Variants in PREX2 observed in about 807,000 individuals in gnomAD.
PREX2 encodes phosphatidylinositol-3,4,5-trisphosphate dependent Rac exchange factor 2, also known as phosphatidylinositol 3,4,5-trisphosphate-dependent Rac exchanger 2 protein.
Under a neutral mutation model 203.2 loss-of-function variants are expected in PREX2, and 107 were observed. The observed-to-expected ratio is 0.53, with a 90% CI of 0.45 to 0.62. The LOEUF (loss-of-function observed/expected upper bound fraction) is 0.62. PREX2 is among the 20% of genes least tolerant of loss of function. The probability of loss-of-function intolerance (pLI) is 0.00; values close to 1 mark genes in which losing one functional copy is unlikely to be tolerated. For missense variants in PREX2, 1,777 were observed against 1,955.9 expected, an observed-to-expected ratio of 0.91 and a Z score of 1.72; for synonymous variants, 672 against 663.6, an observed-to-expected ratio of 1.01 and a Z score of -0.19.
intron 8 of PREX2, among the ~76,000 whole-genome samples, chr8:68,049,183 T>C (rs1377802788): frequency 1.4e-4 from 21 of 151,304 alleles, no homozygotes; most frequent in African/African-American, 4.4e-4. Context: ...AAATTTTTCT[T>C]CTATTATTTG....
In PREX2 at chr8:67,999,478, CAA is replaced by C. The variant is rs58916146; in HGVS notation, c.142-18352_142-18351del. On this transcript the variant is annotated intron_variant, in intron 1 of 39. Coordinates refer to ENST00000288368, the MANE Select transcript of PREX2 (RefSeq NM_024870.4). ...AATCAGTAATAAATAGCCAACAAAC[CAA>C]AAAAAAAAAAAAAAAGCCCAGAACC... 1.2e-4 allele frequency among the ~76,000 whole-genome samples: 11 copies of C among 92,090 alleles called. 1 individual carries two copies. Among genetic ancestry groups the C allele is most frequent in the African/African-American group, 2.0e-4 (5 of 24,596 alleles). The allele number at this position is 92,090 out of a possible 152,430, so 60.4% of individuals were successfully genotyped here.
At chr8:68,091,259 T>C (rs1371906114) in intron 20 of PREX2, among the ~76,000 whole-genome samples, 1 of 152,202 alleles carries the variant, frequency 6.6e-6, no homozygotes, top group African/African-American at 2.4e-5. Flanking sequence ...AATACCAAAA[T>C]GTACTCGGCG....
Position 68,097,164 on chromosome 8 carries a change from T to C in PREX2, c.2516T>C (p.Met839Thr). ...ATCAAGTGCAATGTGGTGGAAAAGA[T>C]GATTGAGCCCAAAGGTTTCTTCAGC... Reference protein sequence around the residue: ...AGIKCNVVEKMIEPKGFFSLT... With the variant: ...AGIKCNVVEKTIEPKGFFSLT... The change falls in exon 22 of 40, where the codon ATG becomes ACG. Residue 839 changes from methionine to threonine, a missense_variant. Physicochemically the swap from Met to Thr is moderately conservative, Grantham distance 81. Transcript: ENST00000288368. 6.2e-7 allele frequency: 1 copy of C among 1,613,844 alleles called. No homozygotes were observed. Among genetic ancestry groups the C allele is most frequent in the Non-Finnish European group, 8.5e-7 (1 of 1,179,846 alleles).
chr8:68,202,813 G>T (rs12543668), intron 37 of PREX2, among the ~76,000 whole-genome samples: 16,925 of 152,162 alleles, frequency 0.11, 1,507 homozygotes, highest in South Asian at 0.34. Flanking sequence ...AGAAGTCCCA[G>T]GTAGGGTGTC....
chr8:68,093,419 AGAGT>A (rs1328728141), intron 20 of PREX2, among the ~76,000 whole-genome samples, 182 bp from the exon 21 acceptor site: 6 of 151,486 alleles, frequency 4.0e-5, no homozygotes, highest in African/African-American at 1.2e-4. Flanking sequence ...AAAGAAAGAA[AGAGT>A]GTTTGTTAAA....
At chr8:68,078,870 A>G (rs991199261) in intron 15 of PREX2, among the ~76,000 whole-genome samples, 8 of 152,218 alleles carry the variant, frequency 5.3e-5, no homozygotes, top group African/African-American at 1.9e-4. Flanking sequence ...TTTTCATACC[A>G]AAGTCTGACA....
intron 22 of PREX2, among the ~76,000 whole-genome samples, chr8:68,098,792 A>G (rs1466940530): frequency 6.6e-6 from 1 of 151,916 alleles, no homozygotes; most frequent in Non-Finnish European, 1.5e-5. Flanking sequence ...CATAGTCTGC[A>G]TAAAAGGGAA....
At chr8:68,070,941 A>C (rs916144035) in intron 13 of PREX2, among the ~76,000 whole-genome samples, 5 of 152,154 alleles carry the variant, frequency 3.3e-5, no homozygotes, top group African/African-American at 1.2e-4. Flanking sequence ...GAAAAAGAAT[A>C]AATATTTGTT....
At position 68,236,162 on chromosome 8, in the gene PREX2, T is replaced by G. The variant is rs2129615790; in HGVS notation, c.*4784T>G. On this transcript the variant is annotated 3_prime_UTR_variant, in exon 40 of 40. Transcript: ENST00000288368. ...CAACCATGTGTAAATGTACCTGGTC[T>G]TTTGATCACTGACACTACTTTGCTG... 1 of 151,286 alleles carries G rather than the reference T, an allele frequency of 6.6e-6. No homozygotes were observed. The highest frequency in any genetic ancestry group is 2.1e-4 in the South Asian group (1 of 4,790). The allele number at this position is 151,286 out of a possible 1,614,324, so 9.4% of individuals were successfully genotyped here. A position where few individuals can be genotyped will look rare whatever the true frequency, so the allele number is the denominator to read the frequency against.
chr8:68,029,102 T>G (rs1397790897), intron 5 of PREX2, among the ~76,000 whole-genome samples: 1 of 152,056 alleles, frequency 6.6e-6, no homozygotes, highest in African/African-American at 2.4e-5. Context: ...TTAGGGTGGT[T>G]TTGTTTATTC....
chr8:68,029,809 T>G (rs1183632935), intron 5 of PREX2, among the ~76,000 whole-genome samples: 11 of 152,094 alleles, frequency 7.2e-5, no homozygotes, highest in Admixed American at 7.2e-4. Flanking sequence ...ATTATTCTAG[T>G]TTTGATGAAT....
rs772838298 is a variant in PREX2 at position 68,069,082 on chromosome 8, C to A, written c.1389C>A (p.Arg463=). The change falls in exon 12 of 40, where the codon CGC becomes CGA. Residue 463 remains arginine, a synonymous_variant. Transcript: ENST00000288368. ...FKPEQMLYRF[R]YDDGTFYPRN... is the part of the protein sequence containing the mutation. ...CAGAACAGATGTTATATAGATTTCGCTATGATGATGGAACATTTTATCCAA... is the reference window on the plus strand; with the variant it reads ...CAGAACAGATGTTATATAGATTTCGATATGATGATGGAACATTTTATCCAA... 9 of 1,574,636 alleles carry A rather than the reference C, an allele frequency of 5.7e-6. No homozygotes were observed. Among genetic ancestry groups the A allele is most frequent in the Non-Finnish European group, 6.9e-6 (8 of 1,163,860 alleles).
chr8:68,217,878 G>A (rs1812874446), intron 38 of PREX2, among the ~76,000 whole-genome samples, 160 bp downstream of exon 38: 2 of 102,902 alleles, frequency 1.9e-5, no homozygotes, highest in African/African-American at 1.0e-4. Flanking sequence ...GGGAGAAGAT[G>A]CTGCAGGCAC....
At chr8:68,128,664 A>G (rs1425071576) in intron 31 of PREX2, among the ~76,000 whole-genome samples, 2 of 152,182 alleles carry the variant, frequency 1.3e-5, no homozygotes, top group African/African-American at 4.8e-5. Flanking sequence ...GTGGATTTGC[A>G]GGGTTCCAGG....
At chr8:67,975,300 GGTGTGTGTCTGTGT>G (rs1806046503) in intron 1 of PREX2, among the ~76,000 whole-genome samples, 1 of 54,002 alleles carries the variant, frequency 1.9e-5, no homozygotes, top group Non-Finnish European at 3.7e-5. Context: ...TTTTTTTTTT[GGTGTGTGTCTGTGT>G]GTGTGTGTCC....
chr8:68,081,505 C>T (rs928330931), intron 17 of PREX2, among the ~76,000 whole-genome samples: 3 of 152,158 alleles, frequency 2.0e-5, no homozygotes, highest in Non-Finnish European at 2.9e-5. Flanking sequence ...CAGACTGCAA[C>T]CTGGAGCCCC....
intron 1 of PREX2, among the ~76,000 whole-genome samples, chr8:67,955,133 G>C (rs997385619): frequency 8.4e-5 from 11 of 130,840 alleles, no homozygotes; most frequent in Non-Finnish European, 1.7e-4. Flanking sequence ...GGATGACAGA[G>C]CGAGACTCCA....
chr8:67,979,626 G>C (rs1806208909), intron 1 of PREX2, among the ~76,000 whole-genome samples: 1 of 152,200 alleles, frequency 6.6e-6, no homozygotes, highest in Non-Finnish European at 1.5e-5. Context: ...TTTGTGGTTT[G>C]TGTTTGTGGT....
chr8:68,060,551 A>G, intron 10 of PREX2, 128 bp from the exon 11 acceptor site: 1 of 641,520 alleles, frequency 1.6e-6, no homozygotes, highest in Non-Finnish European at 2.7e-6. Flanking sequence ...TAATCTGTTG[A>G]AATGTGTTGC....
Sources: allele counts gnomAD v4.1 joint callset (sites outside exome capture counted in the v4.1 genomes callset), GRCh38; gene constraint gnomAD v4.1.1; transcripts MANE v1.5; gene names NCBI Gene and HGNC (gene_info 2026-07-23, HGNC 2026-07-21).